Variants in RUNX2 observed in about 807,000 individuals in gnomAD.
The protein encoded by RUNX2 is runt-related transcription factor 2.
A neutral mutation model predicts 51.7 loss-of-function variants in RUNX2; 10 were observed. The ratio of observed to expected loss-of-function variants is 0.19; its 90% confidence interval spans 0.12 to 0.33. The LOEUF (loss-of-function observed/expected upper bound fraction) is 0.33, where lower values mean the gene tolerates loss of function less well. Ranked by LOEUF, RUNX2 falls within the 10% of genes least tolerant of loss-of-function variation. The pLI is 1.00. For missense variants in RUNX2, 562 were observed against 691.3 expected, an observed-to-expected ratio of 0.81 and a Z score of 2.10; for synonymous variants, 276 against 273.6, an observed-to-expected ratio of 1.01 and a Z score of -0.09.
At chr6:45,359,979 G>A (rs1046436898) in intron 2 of RUNX2, among the ~76,000 whole-genome samples, 49 of 152,148 alleles carry the variant, frequency 3.2e-4, no homozygotes, top group Admixed American at 3.1e-3. Flanking sequence ...ACTAATAACC[G>A]AGCAATCAAC....
chr6:45,396,606 A>G (rs2150349514), intron 2 of RUNX2, among the ~76,000 whole-genome samples: 1 of 152,238 alleles, frequency 6.6e-6, no homozygotes, highest in African/African-American at 2.4e-5. Context: ...GGGTCTCGCT[A>G]TGTTGTTCAG....
At chr6:45,534,889 T>G (rs778445442) in intron 7 of RUNX2, among the ~76,000 whole-genome samples, 17 of 152,212 alleles carry the variant, frequency 1.1e-4, no homozygotes, top group Non-Finnish European at 7.3e-5. Flanking sequence ...TTTTAAGCAG[T>G]TTAAAGTCTA....
chr6:45,492,053 A>G lies in RUNX2; in HGVS notation c.798A>G (p.Pro266=), dbSNP rs1282088330. 6.2e-7 allele frequency: 1 copy of G among 1,613,842 alleles called. No individual in the cohort carries two copies. Among genetic ancestry groups the G allele is most frequent in the South Asian group, 1.1e-5 (1 of 91,072 alleles). ...SMRVGVPPQN[P]RPSLNSAPSP... The stretch of plus-strand genomic sequence containing the variant: ...GAGTAGGTGTCCCGCCTCAGAACCC[A>G]CGGCCCTCCCTGAACTCTGCACCAA... Residue 266 remains proline, a synonymous_variant, in exon 6 of 9, where the codon CCA becomes CCG. Transcript: ENST00000647337.
At chr6:45,441,271 A>G (rs898076130) in intron 5 of RUNX2, among the ~76,000 whole-genome samples, 13 of 152,312 alleles carry the variant, frequency 8.5e-5, no homozygotes, top group African/African-American at 3.1e-4. Context: ...TATATTGAAA[A>G]GCCTGCTTCT....
At chr6:45,427,099 TA>T (rs1398080100) in intron 3 of RUNX2, among the ~76,000 whole-genome samples, 1 of 152,150 alleles carries the variant, frequency 6.6e-6, no homozygotes, top group African/African-American at 2.4e-5. Context: ...CAAGAAAACT[TA>T]TTTAAAGTTA....
rs1479655413 is a variant in RUNX2 at position 45,337,219 on chromosome 6, G to C, written c.58+8435G>C. Among the ~76,000 whole-genome samples the C allele has an allele frequency of 4.0e-5, 6 of 151,692 alleles. No individual in the cohort carries two copies. The East Asian group carries it at 1.2e-3, about 29-fold the overall frequency. On this transcript the variant is annotated intron_variant, in intron 2 of 8. Coordinates refer to ENST00000647337, the MANE Select transcript of RUNX2 (RefSeq NM_001024630.4). The stretch of plus-strand genomic sequence containing the variant: ...TTTTCTAAACTGGCAAGACTAAAAA[G>C]AATCACATCCAATCCCTATTTTGCA...
At chr6:45,349,079 A>G (rs552917743) in intron 2 of RUNX2, among the ~76,000 whole-genome samples, 1 of 152,342 alleles carries the variant, frequency 6.6e-6, no homozygotes, top group East Asian at 1.9e-4. Flanking sequence ...TACGTAAATC[A>G]GTGGGATCCT....
chr6:45,526,815 T>A (rs904410704), intron 7 of RUNX2, among the ~76,000 whole-genome samples: 1 of 152,200 alleles, frequency 6.6e-6, no homozygotes, highest in African/African-American at 2.4e-5. Flanking sequence ...CTTAGCTTGT[T>A]TGTACCTCAA....
At chr6:45,512,478 G>C in intron 7 of RUNX2, 71 bp downstream of exon 7, 20 of 1,530,880 alleles carry the variant, frequency 1.3e-5, no homozygotes, top group Non-Finnish European at 1.6e-5. Flanking sequence ...GGCTGAGCCT[G>C]TCTCATCCAT....
At chr6:45,471,208 G>T (rs1177523255) in intron 5 of RUNX2, among the ~76,000 whole-genome samples, 10 of 152,122 alleles carry the variant, frequency 6.6e-5, no homozygotes, top group Non-Finnish European at 1.2e-4. Context: ...TCCACTCATT[G>T]ATGTCACCAG....
At chr6:45,462,322 A>G (rs372043143) in intron 5 of RUNX2, among the ~76,000 whole-genome samples, 1 of 152,214 alleles carries the variant, frequency 6.6e-6, no homozygotes, top group East Asian at 1.9e-4. Flanking sequence ...TTTACTCAAC[A>G]TTAAGCTGAT....
intron 2 of RUNX2, among the ~76,000 whole-genome samples, chr6:45,406,102 C>T (rs572698583): frequency 6.6e-6 from 1 of 152,262 alleles, no homozygotes; most frequent in South Asian, 2.1e-4. Flanking sequence ...CACAAATTCT[C>T]GACTGCTCTG....
rs1263482089 is a variant in RUNX2 at position 45,328,361 on chromosome 6, G to A, written c.-166G>A. The A allele has an allele frequency of 3.6e-6, 5 of 1,383,636 alleles. No homozygotes were observed. The highest frequency in any genetic ancestry group is 3.9e-6 in the Non-Finnish European group (4 of 1,033,336). 85.7% of individuals were successfully genotyped at this position (1,383,636 alleles called of 1,614,324 possible). On this transcript the variant is annotated 5_prime_UTR_variant, in exon 1 of 9. In the 5' UTR this introduces an upstream ATG that the reference lacks. Coordinates refer to ENST00000647337, the MANE Select transcript of RUNX2 (RefSeq NM_001024630.4). ...CTCACAAACAACCACAGAACCACAAGTGCGGTGCAAACTTTCTCCAGGAGG... is the reference window on the plus strand; with the variant it reads ...CTCACAAACAACCACAGAACCACAAATGCGGTGCAAACTTTCTCCAGGAGG...
intron 5 of RUNX2, among the ~76,000 whole-genome samples, chr6:45,471,404 C>G (rs1384386091): frequency 1.3e-5 from 2 of 151,086 alleles, no homozygotes; most frequent in Non-Finnish European, 1.5e-5. Flanking sequence ...ATGTAGAACT[C>G]AAGTGGTACC....
chr6:45,390,672 TG>T (rs1230122119), intron 2 of RUNX2, among the ~76,000 whole-genome samples: 1 of 151,938 alleles, frequency 6.6e-6, no homozygotes, highest in African/African-American at 2.4e-5. Flanking sequence ...AAGGTGAAAG[TG>T]TAATTGGGTA....
chr6:45,543,076 T>C (rs536332497), intron 7 of RUNX2, among the ~76,000 whole-genome samples: 1 of 152,336 alleles, frequency 6.6e-6, no homozygotes, highest in South Asian at 2.1e-4. Context: ...AGTCATTTTT[T>C]ATTTATCTAA....
At chr6:45,425,318 C>G (rs980451883) in intron 3 of RUNX2, among the ~76,000 whole-genome samples, 25 of 152,290 alleles carry the variant, frequency 1.6e-4, no homozygotes, top group African/African-American at 5.1e-4. Flanking sequence ...TTGAGCTAGT[C>G]TCAGATATTT....
At chr6:45,393,432 T>C (rs756704727) in intron 2 of RUNX2, among the ~76,000 whole-genome samples, 19 of 126,048 alleles carry the variant, frequency 1.5e-4, no homozygotes, top group Non-Finnish European at 2.4e-4. Context: ...TAAAGTAAGA[T>C]TTTTTTTTTT....
chr6:45,330,036 T>C (rs1787135698), intron 2 of RUNX2, among the ~76,000 whole-genome samples: 1 of 151,866 alleles, frequency 6.6e-6, no homozygotes, highest in Non-Finnish European at 1.5e-5. Context: ...AGTCTCAGTT[T>C]AGGTCAAACA....
Sources: gnomAD v4.1 joint callset for allele counts (sites outside exome capture counted in the v4.1 genomes callset) on GRCh38, gnomAD v4.1.1 for gene constraint, MANE v1.5 for transcripts, NCBI Gene and HGNC (gene_info 2026-07-23, HGNC 2026-07-21) for gene names.